Variants in PARN observed in about 807,000 individuals in gnomAD.
PARN encodes the protein poly(A)-specific ribonuclease PARN.
A neutral mutation model predicts 102.8 loss-of-function variants in PARN; 71 were observed. The observed-to-expected ratio is 0.69, with a 90% CI of 0.57 to 0.84. PARN has a LOEUF of 0.84. PARN is among the 40% of genes least tolerant of loss of function. The pLI is 0.00. For synonymous variants in PARN, 261 were observed against 252.9 expected, an observed-to-expected ratio of 1.03 and a Z score of -0.30; for missense variants, 782 against 760.9, an observed-to-expected ratio of 1.03 and a Z score of -0.33.
intron 12 of PARN, among the ~76,000 whole-genome samples, chr16:14,598,321 T>C (rs1970652159): frequency 6.6e-6 from 1 of 152,106 alleles, no homozygotes; most frequent in East Asian, 1.9e-4. Flanking sequence ...ATGAATATTC[T>C]GTAGAAGAAA....
At chr16:14,509,820 T>C (rs1036126507) in intron 21 of PARN, among the ~76,000 whole-genome samples, 2 of 152,242 alleles carry the variant, frequency 1.3e-5, no homozygotes, top group African/African-American at 2.4e-5. Context: ...TCTTTGGCAC[T>C]GAATTTCTTT....
At chr16:14,599,527 T>G (rs1970750209) in intron 12 of PARN, among the ~76,000 whole-genome samples, 1 of 152,214 alleles carries the variant, frequency 6.6e-6, no homozygotes, top group Non-Finnish European at 1.5e-5. Context: ...CCCTCTAGAT[T>G]CTTCTACTTA....
At chr16:14,520,735 G>T (rs1158393974) in intron 21 of PARN, among the ~76,000 whole-genome samples, 1 of 152,076 alleles carries the variant, frequency 6.6e-6, no homozygotes, top group African/African-American at 2.4e-5. Context: ...AGACACACTG[G>T]AATATTTCCC....
At chr16:14,559,575 CTA>C (rs149860654) in intron 18 of PARN, among the ~76,000 whole-genome samples, 6,423 of 151,734 alleles carry the variant, frequency 0.042, 143 homozygotes, top group African/African-American at 0.052. Flanking sequence ...CAACGACACT[CTA>C]TTTAAAAATG....
At chr16:14,450,674 T>C (rs1055375737) in intron 22 of PARN, among the ~76,000 whole-genome samples, 1 of 152,134 alleles carries the variant, frequency 6.6e-6, no homozygotes, top group Non-Finnish European at 1.5e-5. Flanking sequence ...CAGATCTTAG[T>C]TTCTAATACC....
intron 18 of PARN, among the ~76,000 whole-genome samples, chr16:14,564,385 G>A (rs1188967009): frequency 1.3e-5 from 2 of 152,204 alleles, no homozygotes; most frequent in Non-Finnish European, 2.9e-5. Flanking sequence ...GCTTTGGGTA[G>A]AGCGAATTTT....
chr16:14,459,574 TTAAGA>T (rs1961854980), intron 22 of PARN, among the ~76,000 whole-genome samples: 1 of 152,182 alleles, frequency 6.6e-6, no homozygotes, highest in Non-Finnish European at 1.5e-5. Flanking sequence ...CTCAATGTAG[TTAAGA>T]TGTTAATTCT....
chr16:14,460,103 A>G (rs1253905526), intron 22 of PARN, among the ~76,000 whole-genome samples: 1 of 152,204 alleles, frequency 6.6e-6, no homozygotes, highest in Non-Finnish European at 1.5e-5. Flanking sequence ...AAGAAGCGTA[A>G]GCCATAAAGG....
intron 10 of PARN, among the ~76,000 whole-genome samples, chr16:14,605,984 T>C (rs148903225): frequency 4.0e-4 from 61 of 152,296 alleles, no homozygotes; most frequent in Non-Finnish European, 7.5e-4. Context: ...TGAGAAAGTA[T>C]AGATCACCGT....
intron 12 of PARN, among the ~76,000 whole-genome samples, chr16:14,596,283 C>T (rs753162078): frequency 6.6e-6 from 1 of 151,842 alleles, no homozygotes; most frequent in Non-Finnish European, 1.5e-5. Flanking sequence ...TCAGAGGGCA[C>T]AGGAGCCAAG....
chr16:14,506,846 G>C (rs902484554), intron 21 of PARN, among the ~76,000 whole-genome samples: 2 of 151,830 alleles, frequency 1.3e-5, no homozygotes, highest in African/African-American at 4.8e-5. Flanking sequence ...GAAAAAGAGT[G>C]GGAGAAAATA....
intron 2 of PARN, among the ~76,000 whole-genome samples, chr16:14,628,660 T>C (rs981757380): frequency 3.9e-5 from 6 of 152,228 alleles, no homozygotes; most frequent in African/African-American, 1.2e-4. Context: ...ATGCAAAGAA[T>C]GTATCTTCAA....
At chr16:14,578,339 A>AG (rs1969285816) in intron 18 of PARN, among the ~76,000 whole-genome samples, 1 of 149,706 alleles carries the variant, frequency 6.7e-6, no homozygotes, top group Admixed American at 6.7e-5. Flanking sequence ...ACCAAAAAAA[A>AG]AAAAAAAAAA....
At position 14,628,338 on chromosome 16, in the gene PARN, C is replaced by T. The variant is rs977876016; in HGVS notation, c.98-87G>A. ...CAATCATTCAGTGCCTCTATAATGT[C>T]GTATCACGAATTAAGGTTACTTGGA... On this transcript the variant is annotated intron_variant, in intron 2 of 23. Transcript: ENST00000437198. 6 of 732,302 alleles carry T rather than the reference C, an allele frequency of 8.2e-6. No individual in the cohort carries two copies. In the African/African-American group the frequency reaches 9.0e-5, roughly 11 times the overall value. The allele number at this position is 732,302 out of a possible 1,614,324, so 45.4% of individuals were successfully genotyped here. A position where few individuals can be genotyped will look rare whatever the true frequency, so the allele number is the denominator to read the frequency against.
intron 23 of PARN, 85 bp downstream of exon 23, chr16:14,446,803 G>A: frequency 1.1e-6 from 1 of 910,110 alleles, no homozygotes; most frequent in Middle Eastern, 3.6e-4. Flanking sequence ...GTGAAGCCTT[G>A]CTATAATTTC....
intron 22 of PARN, among the ~76,000 whole-genome samples, chr16:14,469,212 G>A (rs540399383): frequency 1.2e-4 from 18 of 152,176 alleles, no homozygotes; most frequent in African/African-American, 4.1e-4. Flanking sequence ...CAGGAGAATC[G>A]CTTGAACCCG....
chr16:14,611,908 G>A (rs1356868835), intron 6 of PARN, among the ~76,000 whole-genome samples: 2 of 152,070 alleles, frequency 1.3e-5, no homozygotes, highest in Non-Finnish European at 2.9e-5. Flanking sequence ...GGTCTCTGTC[G>A]CAATACTCAA....
chr16:14,590,706 T>A (rs1970148042), intron 13 of PARN, among the ~76,000 whole-genome samples: 1 of 151,610 alleles, frequency 6.6e-6, no homozygotes, highest in Non-Finnish European at 1.5e-5. Flanking sequence ...AACTATGAAG[T>A]CTTTGAGTCC....
At chr16:14,615,963 G>C (rs1277100314) in intron 6 of PARN, among the ~76,000 whole-genome samples, 1 of 151,084 alleles carries the variant, frequency 6.6e-6, no homozygotes, top group African/African-American at 2.4e-5. Flanking sequence ...AAGAGGTTCT[G>C]CTGAGAATAG....
Sources: gnomAD v4.1 joint callset for allele counts (sites outside exome capture counted in the v4.1 genomes callset) on GRCh38, gnomAD v4.1.1 for gene constraint, MANE v1.5 for transcripts, NCBI Gene and HGNC (gene_info 2026-07-23, HGNC 2026-07-21) for gene names.